The following ART1 variants were observed in gnomAD, a reference collection of about 807,000 sequenced individuals.
The protein encoded by ART1 is ADP-ribosyltransferase 1, also known as GPI-linked NAD(P)(+)--arginine ADP-ribosyltransferase 1.
ART1 carries 29 observed loss-of-function variants against 27.0 expected under a neutral mutation model. That is an observed-to-expected ratio of 1.08 (90% CI 0.80 to 1.47). ART1 has a LOEUF of 1.47. ART1 is among the 40% of genes most tolerant of loss of function. The pLI is 0.00. For synonymous variants in ART1, 201 were observed against 172.2 expected (o/e 1.17, Z -1.31); for missense variants, 480 against 423.0 (o/e 1.13, Z -1.18).
intron 1 of ART1, among the ~76,000 whole-genome samples, chr11:3,655,251 A>T (rs182414914): frequency 2.6e-4 from 39 of 152,332 alleles, no homozygotes; most frequent in Middle Eastern, 6.8e-3. Flanking sequence ...AAGCAGACCC[A>T]CAGACAAGTA....
intron 1 of ART1, among the ~76,000 whole-genome samples, chr11:3,655,063 C>G (rs1193857826): frequency 6.6e-6 from 1 of 152,220 alleles, no homozygotes; most frequent in Non-Finnish European, 1.5e-5. Context: ...GGGTTGACGG[C>G]AAGTGGCTTA....
Position 3,650,990 on chromosome 11 carries a change from G to A in ART1, c.-53+5811G>A, listed in dbSNP as rs546758241. ...TGTTATTACTTGCCTGTTACAGCAT[G>A]GCCTTTTAAAGCCTATAAACTCTCC... On this transcript the variant is annotated intron_variant, in intron 1 of 4. Coordinates refer to ENST00000250693, the MANE Select transcript of ART1 (RefSeq NM_004314.3). Among the ~76,000 whole-genome samples the A allele has an allele frequency of 5.9e-5, 9 of 152,048 alleles. No homozygotes were observed. The South Asian group carries it at 1.9e-3, about 32-fold the overall frequency.
At chr11:3,658,613 G>A (rs1485602334) in intron 1 of ART1, among the ~76,000 whole-genome samples, 1 of 152,130 alleles carries the variant, frequency 6.6e-6, no homozygotes, top group East Asian at 1.9e-4. Flanking sequence ...AGGACTGCAG[G>A]GAGTGGGGGC....
intron 1 of ART1, among the ~76,000 whole-genome samples, chr11:3,649,090 G>T (rs773867124): frequency 2.0e-5 from 3 of 151,900 alleles, no homozygotes; most frequent in Admixed American, 1.3e-4. Context: ...TTTTCTGGAG[G>T]GTAAGAACCC....
chr11:3,654,751 C>T lies in ART1; in HGVS notation c.-52-4411C>T, dbSNP rs953103552. Among the ~76,000 whole-genome samples, 22 of 143,710 alleles carry T rather than the reference C, an allele frequency of 1.5e-4. No homozygotes were observed. In the South Asian group the frequency reaches 5.3e-3, roughly 35 times the overall value. The allele number at this position is 143,710 out of a possible 152,430, so 94.3% of individuals were successfully genotyped here. On this transcript the variant is annotated intron_variant, in intron 1 of 4. Transcript: ENST00000250693. Reference sequence around the variant, plus strand: ...CACCTCCTACCTCTGTCTATCCTCACTGCCATTCTCCCATCAGACATCAAG... The same window carrying T: ...CACCTCCTACCTCTGTCTATCCTCATTGCCATTCTCCCATCAGACATCAAG...
Position 3,648,317 on chromosome 11 carries a change from C to T in ART1, c.-53+3138C>T, listed in dbSNP as rs144724788. 4.0e-3 allele frequency among the ~76,000 whole-genome samples: 610 copies of T among 152,288 alleles called. 6 individuals are homozygous for T. The highest frequency in any genetic ancestry group is 0.014 in the African/African-American group (581 of 41,556). On this transcript the variant is annotated intron_variant, in intron 1 of 4. Transcript: ENST00000250693. Reference sequence around the variant, plus strand: ...CACGGACGCGCATGAAATTTGGTGCCCTGACTCAGATCGGGGGACCTCCCT... The same window carrying T: ...CACGGACGCGCATGAAATTTGGTGCTCTGACTCAGATCGGGGGACCTCCCT...
chr11:3,650,988 A>G (rs2077517571), intron 1 of ART1, among the ~76,000 whole-genome samples: 6 of 152,036 alleles, frequency 3.9e-5, no homozygotes, highest in South Asian at 2.1e-4. Flanking sequence ...CTGTTACAGC[A>G]TGGCCTTTTA....
intron 1 of ART1, 68 bp downstream of exon 1, chr11:3,645,247 G>A (rs2077463391): frequency 6.6e-6 from 1 of 152,112 alleles, no homozygotes; most frequent in South Asian, 2.1e-4. Context: ...AAATTTGGGA[G>A]ATGAACGGTG....
intron 4 of ART1, among the ~76,000 whole-genome samples, chr11:3,663,373 C>T (rs935652421): frequency 6.6e-5 from 10 of 152,088 alleles, no homozygotes; most frequent in Non-Finnish European, 1.2e-4. Context: ...AGGATTTCTC[C>T]TTCTAGTCCA....
At chr11:3,662,189 TCTAA>T (rs1223755535) in intron 4 of ART1, among the ~76,000 whole-genome samples, 2 of 152,248 alleles carry the variant, frequency 1.3e-5, no homozygotes, top group African/African-American at 2.4e-5. Context: ...CAGGCTCTGC[TCTAA>T]CTTTCTCTAC....
chr11:3,663,066 ATCTCATCTCATCATCTCATCTCATCATC>A lies in ART1; in HGVS notation c.887-1023_887-996del, dbSNP rs1564786958. Reference sequence around the variant, plus strand: ...ATCTCATCTCATCTCATCTCATCTCATCTCATCTCATCATCTCATCTCATCATCTCATCTCATCTCATCTCATCTCATC... The same window carrying A: ...ATCTCATCTCATCTCATCTCATCTCATCATCTCATCTCATCTCATCTCATC... On this transcript the variant is annotated intron_variant, in intron 4 of 4. Coordinates refer to ENST00000250693, the MANE Select transcript of ART1 (RefSeq NM_004314.3). Among the ~76,000 whole-genome samples, 7 of 118,766 alleles carry A rather than the reference ATCTCATCTCATCATCTCATCTCATCATC, an allele frequency of 5.9e-5. 1 individual carries two copies. Among genetic ancestry groups the A allele is most frequent in the African/African-American group, 2.5e-4 (7 of 28,222 alleles). The allele number at this position is 118,766 out of a possible 152,430, so 77.9% of individuals were successfully genotyped here. A position where few individuals can be genotyped will look rare whatever the true frequency, so the allele number is the denominator to read the frequency against.
intron 1 of ART1, among the ~76,000 whole-genome samples, chr11:3,653,431 C>T (rs1489865253): frequency 1.3e-5 from 2 of 148,310 alleles, no homozygotes; most frequent in Non-Finnish European, 2.9e-5. Flanking sequence ...TACTGCGCAC[C>T]TTGTGACCCC....
intron 1 of ART1, among the ~76,000 whole-genome samples, chr11:3,648,932 C>T (rs1005803941): frequency 1.3e-5 from 2 of 151,830 alleles, no homozygotes; most frequent in South Asian, 4.2e-4. Flanking sequence ...TCCCTTATTT[C>T]CACACCCCAA....
chr11:3,655,226 GTT>G (rs1373555364), intron 1 of ART1, among the ~76,000 whole-genome samples: 3 of 152,282 alleles, frequency 2.0e-5, no homozygotes, highest in East Asian at 3.9e-4. Flanking sequence ...AAGACTCTCA[GTT>G]TCCTTCCCCC....
At chr11:3,652,001 A>G (rs1444509530) in intron 1 of ART1, among the ~76,000 whole-genome samples, 3 of 151,628 alleles carry the variant, frequency 2.0e-5, no homozygotes, top group Non-Finnish European at 2.9e-5. Flanking sequence ...CGCCTCTTAG[A>G]ACCTCTCATT....
In ART1 at chr11:3,659,856, G is replaced by A. The variant is rs771137157; in HGVS notation, c.337G>A (p.Glu113Lys). The A allele has an allele frequency of 1.3e-5, 21 of 1,612,554 alleles. No homozygotes were observed. The highest frequency in any genetic ancestry group is 1.5e-5 in the Non-Finnish European group (18 of 1,179,664). ...PSPPPLGFRD[E>K]HGVALLAYTA... ...CCCGCCACCCCTGGGCTTCCGCGAT[G>A]AGCATGGGGTGGCCCTCCTGGCCTA... Residue 113 changes from glutamate to lysine, a missense_variant, in exon 3 of 5, where the codon GAG becomes AAG. By Grantham distance (56) the Glu-to-Lys change is moderately conservative (BLOSUM62 1). Coordinates refer to ENST00000250693, the MANE Select transcript of ART1 (RefSeq NM_004314.3).
At chr11:3,647,743 AACATGAGTGTAT>A (rs1264620902) in intron 1 of ART1, among the ~76,000 whole-genome samples, 4 of 152,226 alleles carry the variant, frequency 2.6e-5, no homozygotes, top group Non-Finnish European at 5.9e-5. Context: ...TGGGAATGGT[AACATGAGTGTAT>A]ACTTATTTCC....
chr11:3,657,785 A>T (rs1417868976), intron 1 of ART1, among the ~76,000 whole-genome samples: 4 of 152,194 alleles, frequency 2.6e-5, no homozygotes, highest in Non-Finnish European at 5.9e-5. Flanking sequence ...ACATGCACAC[A>T]CATAGAGAAG....
At position 3,659,212 on chromosome 11, in the gene ART1, GC is replaced by G; in HGVS notation, c.-1del. 6.2e-7 allele frequency: 1 copy of G among 1,614,160 alleles called. No individual in the cohort carries two copies. Among genetic ancestry groups the G allele is most frequent in the Non-Finnish European group, 8.5e-7 (1 of 1,180,010 alleles). Reference sequence around the variant, plus strand: ...GACAGCAACTGGCCCAGGGTCACCAGCATGCAGATGCCTGCTATGATGTCTC... The same window carrying G: ...GACAGCAACTGGCCCAGGGTCACCAGATGCAGATGCCTGCTATGATGTCTC... On this transcript the variant is annotated 5_prime_UTR_variant, in exon 2 of 5. Coordinates refer to ENST00000250693, the MANE Select transcript of ART1 (RefSeq NM_004314.3).
Sources: gnomAD v4.1 joint callset for allele counts (sites outside exome capture counted in the v4.1 genomes callset) on GRCh38, gnomAD v4.1.1 for gene constraint, MANE v1.5 for transcripts, NCBI Gene and HGNC (gene_info 2026-07-23, HGNC 2026-07-21) for gene names.